TAFA2: variants seen among roughly 807,000 people sequenced by gnomAD.
TAFA2 encodes chemokine-like protein TAFA-2.
In TAFA2, 7 loss-of-function variants were observed where a neutral mutation model predicts 18.8. The observed-to-expected ratio is 0.37, with a 90% CI of 0.21 to 0.70. The LOEUF (loss-of-function observed/expected upper bound fraction) is 0.70. Among genes scored for constraint, TAFA2 ranks in the 30% least tolerant of loss-of-function variants. TAFA2 has a pLI of 0.53. For missense variants in TAFA2, 122 were observed against 158.1 expected, an observed-to-expected ratio of 0.77 and a Z score of 1.23; for synonymous variants, 60 against 54.2, an observed-to-expected ratio of 1.11 and a Z score of -0.47.
intron 1 of TAFA2, among the ~76,000 whole-genome samples, chr12:62,085,569 C>A (rs1167896219): frequency 6.6e-6 from 1 of 152,064 alleles, no homozygotes; most frequent in Non-Finnish European, 1.5e-5. Context: ...TTTATTCATT[C>A]ATTCCACATT....
At chr12:62,147,669 G>A (rs1398133759) in intron 1 of TAFA2, among the ~76,000 whole-genome samples, 1 of 140,672 alleles carries the variant, frequency 7.1e-6, no homozygotes, top group African/African-American at 2.7e-5. Context: ...GGCGGAGCTT[G>A]CAGTGAGCCA....
intron 2 of TAFA2, among the ~76,000 whole-genome samples, chr12:61,863,181 A>T (rs1874198241): frequency 6.6e-6 from 1 of 152,220 alleles, no homozygotes; most frequent in Non-Finnish European, 1.5e-5. Context: ...TTGCCTGATC[A>T]TCAATCAGTC....
intron 1 of TAFA2, among the ~76,000 whole-genome samples, chr12:61,982,333 A>T (rs1342601214): frequency 1.3e-5 from 2 of 152,248 alleles, no homozygotes; most frequent in East Asian, 3.9e-4. Context: ...AGAAATACCT[A>T]ATGTAAATGA....
intron 1 of TAFA2, among the ~76,000 whole-genome samples, chr12:62,149,392 A>T (rs1161056853): frequency 1.3e-5 from 2 of 152,002 alleles, no homozygotes; most frequent in East Asian, 3.9e-4. Context: ...CAGAGGGGGG[A>T]AATTCAGAAG....
At chr12:62,020,758 T>G (rs762521778) in intron 1 of TAFA2, among the ~76,000 whole-genome samples, 3 of 152,116 alleles carry the variant, frequency 2.0e-5, no homozygotes, top group East Asian at 1.9e-4. Context: ...TGAAATGTAC[T>G]GATTGAGCAC....
At position 62,167,469 on chromosome 12, in the gene TAFA2, T is replaced by A. The variant is rs369681018; in HGVS notation, c.-2+23790A>T. Among the ~76,000 whole-genome samples the A allele has an allele frequency of 3.3e-5, 5 of 152,256 alleles. No homozygotes were observed. In the South Asian group the frequency reaches 1.0e-3, roughly 32 times the overall value. Reference sequence around the variant, plus strand: ...TCATTCGGAGACTGTTGTATGTACATTGCAGGATAAAACAAATAAACAATT... The same window carrying A: ...TCATTCGGAGACTGTTGTATGTACAATGCAGGATAAAACAAATAAACAATT... On this transcript the variant is annotated intron_variant, in intron 1 of 4. Coordinates refer to ENST00000416284, the MANE Select transcript of TAFA2 (RefSeq NM_178539.5).
chr12:61,872,614 C>T (rs1208797325), intron 1 of TAFA2, among the ~76,000 whole-genome samples: 1 of 152,058 alleles, frequency 6.6e-6, no homozygotes, highest in Non-Finnish European at 1.5e-5. Context: ...AAACCAACAT[C>T]ATCTTCCCTC....
rs114358826 is a variant in TAFA2 at position 61,911,913 on chromosome 12, T to C, written c.-1-44487A>G. On this transcript the variant is annotated intron_variant, in intron 1 of 4. Transcript: ENST00000416284. ...ATGTAGAGAACAAGAACCAAACAAG[T>C]GCCAAACAGAAGCTGATGCATCATC... Among the ~76,000 whole-genome samples the C allele has an allele frequency of 2.1e-3, 327 of 152,148 alleles. 1 individual carries two copies. Among genetic ancestry groups the C allele is most frequent in the African/African-American group, 7.6e-3 (316 of 41,524 alleles).
chr12:62,044,140 G>A (rs1881844418), intron 1 of TAFA2, among the ~76,000 whole-genome samples: 1 of 151,556 alleles, frequency 6.6e-6, no homozygotes, highest in Admixed American at 6.6e-5. Flanking sequence ...TGGGCAGTGG[G>A]TGTTAAAAAA....
chr12:61,749,990 A>ACCCC (rs1307227319), intron 4 of TAFA2, among the ~76,000 whole-genome samples: 1 of 141,146 alleles, frequency 7.1e-6, no homozygotes, highest in African/African-American at 2.9e-5. Flanking sequence ...ATATCAAAAC[A>ACCCC]CCCCACACAC....
At chr12:61,931,663 G>A (rs1877560019) in intron 1 of TAFA2, among the ~76,000 whole-genome samples, 1 of 152,176 alleles carries the variant, frequency 6.6e-6, no homozygotes, top group South Asian at 2.1e-4. Context: ...TAGTTTGGAA[G>A]GTACAGTTTA....
At position 61,856,318 on chromosome 12, in the gene TAFA2, T is replaced by A. The variant is rs181710201; in HGVS notation, c.106+11002A>T. ...ATAAAGAGCTCTTATAAAGCCATAA[T>A]AAAAACAGTGTCTACTAATACAATG... On this transcript the variant is annotated intron_variant, in intron 2 of 4. Transcript: ENST00000416284. Among the ~76,000 whole-genome samples, 389 of 152,086 alleles carry A rather than the reference T, an allele frequency of 2.6e-3. 2 individuals carry two copies. Among genetic ancestry groups the A allele is most frequent in the Non-Finnish European group, 4.7e-3 (317 of 67,882 alleles).
chr12:61,941,646 G>T (rs7316736), intron 1 of TAFA2, among the ~76,000 whole-genome samples: 51,757 of 152,064 alleles, frequency 0.34, 9,522 homozygotes, highest in East Asian at 0.61. Flanking sequence ...CCTGGGAAGC[G>T]CAAGGGGTCA....
chr12:62,127,400 A>AT (rs1383144454), intron 1 of TAFA2, among the ~76,000 whole-genome samples: 1 of 151,776 alleles, frequency 6.6e-6, no homozygotes, highest in Non-Finnish European at 1.5e-5. Context: ...GGACTTACTT[A>AT]TTTTTGCATT....
At chr12:61,895,681 T>C (rs192148395) in intron 1 of TAFA2, among the ~76,000 whole-genome samples, 5 of 152,284 alleles carry the variant, frequency 3.3e-5, no homozygotes, top group Admixed American at 6.5e-5. Context: ...TGGGGCAATC[T>C]CTTCAGAGAG....
At chr12:61,939,371 C>G (rs1877902349) in intron 1 of TAFA2, among the ~76,000 whole-genome samples, 1 of 152,014 alleles carries the variant, frequency 6.6e-6, no homozygotes, top group South Asian at 2.1e-4. Flanking sequence ...AGGCTAAAAT[C>G]TTGCTATTTA....
At chr12:61,902,327 C>T (rs962557932) in intron 1 of TAFA2, among the ~76,000 whole-genome samples, 6 of 152,096 alleles carry the variant, frequency 3.9e-5, no homozygotes. Context: ...TTCCATATTT[C>T]CAACCAGTTC....
chr12:61,895,774 C>T (rs1875815716), intron 1 of TAFA2, among the ~76,000 whole-genome samples: 1 of 151,948 alleles, frequency 6.6e-6, no homozygotes, highest in African/African-American at 2.4e-5. Flanking sequence ...AGTAGGTACT[C>T]AATATATGTG....
At chr12:61,851,892 T>C (rs1483000072) in intron 2 of TAFA2, among the ~76,000 whole-genome samples, 1 of 133,548 alleles carries the variant, frequency 7.5e-6, no homozygotes, top group Non-Finnish European at 1.6e-5. Context: ...GGGTCGACAA[T>C]GGATAAGAGT....
Sources: allele counts gnomAD v4.1 joint callset (sites outside exome capture counted in the v4.1 genomes callset), GRCh38; gene constraint gnomAD v4.1.1; transcripts MANE v1.5; gene names NCBI Gene and HGNC (gene_info 2026-07-23, HGNC 2026-07-21).